The following NRG1 variants were observed in gnomAD, a reference collection of about 807,000 sequenced individuals.
NRG1 encodes neuregulin 1, also known as pro-neuregulin-1, membrane-bound isoform.
In NRG1, 18 loss-of-function variants were observed where a neutral mutation model predicts 63.8. The observed-to-expected ratio is 0.28, with a 90% confidence interval of 0.19 to 0.42. NRG1 has a LOEUF of 0.42. NRG1 is among the 10% of genes least tolerant of loss of function. NRG1 has a pLI of 1.00. For missense variants in NRG1, 762 were observed against 814.7 expected (o/e 0.94, Z 0.79); for synonymous variants, 302 against 301.3 (o/e 1.00, Z -0.02).
At chr8:32,186,415 G>A (rs938750548) in intron 1 of NRG1, among the ~76,000 whole-genome samples, 1 of 150,284 alleles carries the variant, frequency 6.7e-6, no homozygotes, top group African/African-American at 2.4e-5. Context: ...AAGCCGAGAT[G>A]GCGCCACTGC....
chr8:32,131,846 A>G (rs1834861842), intron 1 of NRG1, among the ~76,000 whole-genome samples: 2 of 152,066 alleles, frequency 1.3e-5, no homozygotes, highest in African/African-American at 4.8e-5. Flanking sequence ...TGACATAGCC[A>G]CTAATCAGGA....
At chr8:31,795,200 A>G (rs1472361067) in intron 1 of NRG1, among the ~76,000 whole-genome samples, 1 of 152,166 alleles carries the variant, frequency 6.6e-6, no homozygotes, top group Non-Finnish European at 1.5e-5. Flanking sequence ...CCCTCTTAGG[A>G]TGAGCTGTCA....
At chr8:31,924,123 G>A (rs1834139791) in intron 1 of NRG1, among the ~76,000 whole-genome samples, 1 of 152,150 alleles carries the variant, frequency 6.6e-6, no homozygotes, top group Admixed American at 6.5e-5. Flanking sequence ...GGTAGGCCAA[G>A]GTGGGCAGAT....
At position 32,633,014 on chromosome 8, in the gene NRG1, A is replaced by G. The variant is rs1047685828; in HGVS notation, c.502+16129A>G. Among the ~76,000 whole-genome samples, 192 of 152,290 alleles carry G rather than the reference A, an allele frequency of 1.3e-3. 2 individuals carry two copies. Among genetic ancestry groups the G allele is most frequent in the African/African-American group, 4.3e-3 (178 of 41,568 alleles). On this transcript the variant is annotated intron_variant, in intron 5 of 11. Transcript: ENST00000356819. The stretch of plus-strand genomic sequence containing the variant: ...AAATTTTTAAATCAGATATATATCT[A>G]TATGCATGTAATTCATTTTTTTCTC...
chr8:32,409,325 C>T (rs1814555948), intron 1 of NRG1, among the ~76,000 whole-genome samples: 2 of 152,140 alleles, frequency 1.3e-5, no homozygotes, highest in Non-Finnish European at 2.9e-5. Context: ...AGAAAAAACT[C>T]TTCTGGGCAT....
At chr8:31,909,232 C>A (rs572513091) in intron 1 of NRG1, among the ~76,000 whole-genome samples, 1 of 152,206 alleles carries the variant, frequency 6.6e-6, no homozygotes, top group African/African-American at 2.4e-5. Context: ...ACTGCCTTAC[C>A]ATTGTAGGTC....
At chr8:32,023,026 G>A (rs1227423542) in intron 1 of NRG1, among the ~76,000 whole-genome samples, 1 of 152,118 alleles carries the variant, frequency 6.6e-6, no homozygotes, top group Admixed American at 6.5e-5. Flanking sequence ...CTACTGAGAC[G>A]GATGCATATG....
At position 32,326,253 on chromosome 8, in the gene NRG1, C is replaced by T. The variant is rs559217189; in HGVS notation, c.38-269575C>T. On this transcript the variant is annotated intron_variant, in intron 1 of 10. Transcript: ENST00000519301. ...TTGAACTCCTGGCCTTGTGATCTGC[C>T]GACCTTGGTCTCCCAAAGTGCTGAG... 2.4e-3 allele frequency among the ~76,000 whole-genome samples: 365 copies of T among 150,972 alleles called. 1 individual carries two copies. Among genetic ancestry groups the T allele is most frequent in the African/African-American group, 8.6e-3 (352 of 41,100 alleles).
At chr8:32,562,646 G>A (rs1836660407) in intron 1 of NRG1, among the ~76,000 whole-genome samples, 1 of 152,142 alleles carries the variant, frequency 6.6e-6, no homozygotes, top group Admixed American at 6.5e-5. Flanking sequence ...GTTTCAGTGT[G>A]TGAGTGTGCA....
chr8:32,702,004 A>C (rs996797506), intron 5 of NRG1, among the ~76,000 whole-genome samples: 1 of 152,212 alleles, frequency 6.6e-6, no homozygotes, highest in East Asian at 1.9e-4. Context: ...CCTAGTAATC[A>C]AGTATCCTTC....
At chr8:32,341,048 C>A (rs943293013) in intron 1 of NRG1, among the ~76,000 whole-genome samples, 1 of 152,112 alleles carries the variant, frequency 6.6e-6, no homozygotes, top group Non-Finnish European at 1.5e-5. Flanking sequence ...TTGACAATAA[C>A]GAAACATGAG....
chr8:32,352,961 T>TAGAG (rs371039140), intron 1 of NRG1, among the ~76,000 whole-genome samples: 1,768 of 148,090 alleles, frequency 0.012, 14 homozygotes, highest in Middle Eastern at 0.022. Context: ...TATATATATA[T>TAGAG]ACAGAGAGAG....
intron 1 of NRG1, among the ~76,000 whole-genome samples, chr8:31,753,833 G>A (rs1255285944): frequency 6.6e-6 from 1 of 151,898 alleles, no homozygotes; most frequent in Non-Finnish European, 1.5e-5. Context: ...TATTATTTTA[G>A]TTCATAACTA....
At chr8:32,222,990 T>G (rs1471363181) in intron 1 of NRG1, among the ~76,000 whole-genome samples, 1 of 152,332 alleles carries the variant, frequency 6.6e-6, no homozygotes, top group South Asian at 2.1e-4. Context: ...ACAATGGCAT[T>G]CTCTCAAAGA....
At position 32,263,394 on chromosome 8, in the gene NRG1, G is replaced by A. The variant is rs548616270; in HGVS notation, c.38-332434G>A. On this transcript the variant is annotated intron_variant, in intron 1 of 10. Coordinates refer to the NRG1 transcript ENST00000519301. The stretch of plus-strand genomic sequence containing the variant: ...TGGGACATGCATGTGTGAGCGATAA[G>A]GTAAGTCCAGGAAAGCGTGGGGCAC... Among the ~76,000 whole-genome samples, 4 of 152,220 alleles carry A rather than the reference G, an allele frequency of 2.6e-5. No individual in the cohort carries two copies. The East Asian group carries it at 5.8e-4, about 22-fold the overall frequency.
At chr8:32,624,639 T>A (rs897999404) in intron 5 of NRG1, among the ~76,000 whole-genome samples, 6 of 152,190 alleles carry the variant, frequency 3.9e-5, no homozygotes, top group Non-Finnish European at 7.3e-5. Context: ...ATCATTTTTT[T>A]AAAAGACTCA....
chr8:32,344,516 C>G (rs995633747), intron 1 of NRG1, among the ~76,000 whole-genome samples: 1 of 150,714 alleles, frequency 6.6e-6, no homozygotes, highest in Non-Finnish European at 1.5e-5. Flanking sequence ...ACTGCAGCCC[C>G]GACTTCACAA....
chr8:32,573,044 T>C (rs1401365301), intron 1 of NRG1, among the ~76,000 whole-genome samples: 1 of 152,198 alleles, frequency 6.6e-6, no homozygotes, highest in Non-Finnish European at 1.5e-5. Flanking sequence ...TTATCGTAAG[T>C]ATATCTTAGC....
At chr8:32,440,028 T>C (rs1231822375) in intron 1 of NRG1, among the ~76,000 whole-genome samples, 1 of 152,150 alleles carries the variant, frequency 6.6e-6, no homozygotes, top group Non-Finnish European at 1.5e-5. Flanking sequence ...TCAGAGTTCC[T>C]CCTGGCTGGG....
Sources: gnomAD v4.1 joint callset for allele counts (sites outside exome capture counted in the v4.1 genomes callset) on GRCh38, gnomAD v4.1.1 for gene constraint, MANE v1.5 for transcripts, NCBI Gene and HGNC (gene_info 2026-07-23, HGNC 2026-07-21) for gene names.